The following TECTA variants were observed in gnomAD, a reference collection of about 807,000 sequenced individuals.
The protein encoded by TECTA is tectorin alpha.
In TECTA, 128 loss-of-function variants were observed where a neutral mutation model predicts 216.8. The observed-to-expected ratio is 0.59, with a 90% CI of 0.51 to 0.68. The LOEUF is 0.68. TECTA is among the 30% of genes least tolerant of loss of function. The pLI, the probability that TECTA is intolerant of heterozygous loss-of-function variation, is 0.00. For missense variants in TECTA, 2,551 were observed against 2,786.2 expected (o/e 0.92, Z 1.90); for synonymous variants, 1,089 against 1,117.1 (o/e 0.97, Z 0.50).
chr11:121,171,185 A>G (rs7101692), intron 20 of TECTA, among the ~76,000 whole-genome samples: 233 of 152,262 alleles, frequency 1.5e-3, no homozygotes, highest in African/African-American at 5.4e-3. Flanking sequence ...TGAAGAGAGC[A>G]TCCTTTCCCC....
chr11:121,166,516 C>A, intron 17 of TECTA, 62 bp from the exon 18 acceptor site: 1 of 1,554,084 alleles, frequency 6.4e-7, no homozygotes, highest in Non-Finnish European at 8.9e-7. Context: ...GGATGCTTTG[C>A]TCCCACTCCT....
At chr11:121,120,700 T>C (rs1425564727) in intron 7 of TECTA, among the ~76,000 whole-genome samples, 1 of 152,204 alleles carries the variant, frequency 6.6e-6, no homozygotes, top group Non-Finnish European at 1.5e-5. Flanking sequence ...GGATTAGATA[T>C]ACCAGTAGGA....
At chr11:121,167,480 T>C (rs1488068075) in intron 18 of TECTA, among the ~76,000 whole-genome samples, 2 of 152,168 alleles carry the variant, frequency 1.3e-5, no homozygotes, top group Non-Finnish European at 2.9e-5. Flanking sequence ...AGAAATATAG[T>C]GAGGTCCCAA....
At chr11:121,138,631 T>G (rs749873277) in intron 11 of TECTA, among the ~76,000 whole-genome samples, 2 of 152,154 alleles carry the variant, frequency 1.3e-5, no homozygotes, top group Non-Finnish European at 2.9e-5. Flanking sequence ...TCCCTCTTTC[T>G]AAGCTTCCCA....
At chr11:121,140,275 T>C (rs78072623) in intron 11 of TECTA, among the ~76,000 whole-genome samples, 1,535 of 152,310 alleles carry the variant, frequency 0.01, 25 homozygotes, top group African/African-American at 0.036. Context: ...GCACCTACTC[T>C]TCTTTCATGC....
intron 6 of TECTA, among the ~76,000 whole-genome samples, chr11:121,117,370 C>A (rs1946510980): frequency 6.6e-6 from 1 of 152,062 alleles, no homozygotes; most frequent in Admixed American, 6.5e-5. Context: ...GACCCCAATC[C>A]CCCAGCAAGG....
chr11:121,133,236 C>T (rs1946692582), intron 10 of TECTA, among the ~76,000 whole-genome samples: 1 of 152,192 alleles, frequency 6.6e-6, no homozygotes, highest in African/African-American at 2.4e-5. Flanking sequence ...CCTGTCTCTT[C>T]CTTCCTCCCT....
intron 20 of TECTA, among the ~76,000 whole-genome samples, chr11:121,181,639 T>C (rs1393810809): frequency 6.6e-6 from 1 of 151,712 alleles, no homozygotes; most frequent in African/African-American, 2.4e-5. Context: ...CCAGCTAATT[T>C]TTGTATTTTT....
intron 3 of TECTA, among the ~76,000 whole-genome samples, chr11:121,106,204 T>G (rs1380989333): frequency 6.6e-6 from 1 of 152,160 alleles, no homozygotes; most frequent in Non-Finnish European, 1.5e-5. Flanking sequence ...CTTTTGTCAG[T>G]GATTAAACAT....
intron 11 of TECTA, among the ~76,000 whole-genome samples, chr11:121,145,004 C>T (rs912644056): frequency 1.3e-5 from 2 of 152,138 alleles, no homozygotes; most frequent in African/African-American, 2.4e-5. Flanking sequence ...ATTCTGACCA[C>T]GGGCTCAGAA....
rs140898639 is a variant in TECTA at position 121,134,906 on chromosome 11, C to T, written c.2942-2515C>T. On this transcript the variant is annotated intron_variant, in intron 10 of 23. Coordinates refer to ENST00000392793, the MANE Select transcript of TECTA (RefSeq NM_005422.4). The stretch of plus-strand genomic sequence containing the variant: ...ATGTGACAGCTACTGAGAAAAGCTT[C>T]TCACTATCCCTCATCTGGGCCAGCA... 6.0e-3 allele frequency among the ~76,000 whole-genome samples: 914 copies of T among 152,264 alleles called. 11 individuals carry two copies. The highest frequency in any genetic ancestry group is 0.021 in the African/African-American group (857 of 41,538).
intron 13 of TECTA, among the ~76,000 whole-genome samples, chr11:121,154,651 C>G (rs1946924100): frequency 6.6e-6 from 1 of 152,174 alleles, no homozygotes; most frequent in South Asian, 2.1e-4. Context: ...TGGGTTCCAT[C>G]CTAGCGGTAC....
At chr11:121,171,030 T>C (rs1023961075) in intron 20 of TECTA, among the ~76,000 whole-genome samples, 54 of 152,076 alleles carry the variant, frequency 3.6e-4, no homozygotes, top group Non-Finnish European at 6.8e-4. Context: ...CATGTTCACT[T>C]TGTTTTCTTC....
chr11:121,124,443 TCTTC>T (rs1326734993), intron 7 of TECTA, among the ~76,000 whole-genome samples: 3 of 152,148 alleles, frequency 2.0e-5, no homozygotes, highest in Non-Finnish European at 4.4e-5. Context: ...CTTCCCCCAC[TCTTC>T]CTTTGGCCAC....
At position 121,104,230 on chromosome 11, in the gene TECTA, G is replaced by T. The variant is rs113610642; in HGVS notation, c.64+1501G>T. 4.5e-3 allele frequency among the ~76,000 whole-genome samples: 684 copies of T among 152,020 alleles called. 5 individuals are homozygous for T. Among genetic ancestry groups the T allele is most frequent in the Middle Eastern group, 0.02 (6 of 294 alleles). ...GAAATAAGTACCTGTGTATAATACT[G>T]TAGTAGAGATTATAAAGATTTTTTT... On this transcript the variant is annotated intron_variant, in intron 2 of 23. Coordinates refer to ENST00000392793, the MANE Select transcript of TECTA (RefSeq NM_005422.4).
chr11:121,128,479 C>A, intron 9 of TECTA, 135 bp downstream of exon 9: 1 of 784,228 alleles, frequency 1.3e-6, no homozygotes, highest in Non-Finnish European at 2.0e-6. Context: ...CAAACGGGAG[C>A]GTTTTCTAAT....
chr11:121,162,067 C>A lies in TECTA; in HGVS notation c.4977-8C>A. 1 of 1,613,762 alleles carries A rather than the reference C, an allele frequency of 6.2e-7. No individual in the cohort carries two copies. Among genetic ancestry groups the A allele is most frequent in the South Asian group, 1.1e-5 (1 of 91,012 alleles). On this transcript the variant is annotated splice_polypyrimidine_tract_variant and splice_region_variant and intron_variant, in intron 15 of 23. Transcript: ENST00000392793. Reference sequence around the variant, plus strand: ...GATGGCTGTTTTTGCTTCACTCAGTCTGACCAGACCTCTTGCCCCCAGCTG... The same window carrying A: ...GATGGCTGTTTTTGCTTCACTCAGTATGACCAGACCTCTTGCCCCCAGCTG...
intron 3 of TECTA, among the ~76,000 whole-genome samples, chr11:121,108,595 C>A (rs1331307413): frequency 3.3e-5 from 5 of 149,812 alleles, no homozygotes; most frequent in Non-Finnish European, 1.5e-5. Context: ...TATACACACA[C>A]ACCACATCCC....
chr11:121,130,531 G>A (rs1946664064), intron 10 of TECTA, among the ~76,000 whole-genome samples: 1 of 152,158 alleles, frequency 6.6e-6, no homozygotes, highest in South Asian at 2.1e-4. Context: ...TGGCTCTGTA[G>A]GTGCCTTCTC....
Sources: allele counts gnomAD v4.1 joint callset (sites outside exome capture counted in the v4.1 genomes callset), GRCh38; gene constraint gnomAD v4.1.1; transcripts MANE v1.5; gene names NCBI Gene and HGNC (gene_info 2026-07-23, HGNC 2026-07-21).